Variants in CMPK2 observed in about 807,000 individuals in gnomAD.
CMPK2 encodes UMP-CMP kinase 2, mitochondrial.
A neutral mutation model predicts 33.4 loss-of-function variants in CMPK2; 32 were observed. The observed-to-expected ratio is 0.96, with a 90% CI of 0.72 to 1.29. The LOEUF is 1.29. Among genes scored for constraint, CMPK2 ranks in the 50% most tolerant of loss-of-function variants. The pLI is 0.00. For synonymous variants in CMPK2, 299 were observed against 275.3 expected, an observed-to-expected ratio of 1.09 and a Z score of -0.85; for missense variants, 672 against 616.0, an observed-to-expected ratio of 1.09 and a Z score of -0.96.
intron 1 of CMPK2, 36 bp from the exon 2 acceptor site, chr2:6,863,614 A>G: frequency 6.5e-7 from 1 of 1,532,424 alleles, no homozygotes; most frequent in African/African-American, 1.4e-5. Flanking sequence ...CAATGAAGCC[A>G]GGGGGCTTTT....
chr2:6,844,088 T>A (rs1662297068), downstream of CMPK2, among the ~76,000 whole-genome samples: 1 of 152,172 alleles, frequency 6.6e-6, no homozygotes, highest in African/African-American at 2.4e-5. Flanking sequence ...TGAGGTGGCT[T>A]CTTCTTGCTG....
chr2:6,859,435 C>A (rs2712044), intron 3 of CMPK2, among the ~76,000 whole-genome samples: 148,436 of 152,216 alleles, frequency 0.98, 72,465 homozygotes, highest in East Asian at 1. Context: ...TCACAGACCC[C>A]GAGGTTTAGA....
At chr2:6,842,349 A>G (rs1328431127) in intron 3 of CMPK2, among the ~76,000 whole-genome samples, 1 of 152,232 alleles carries the variant, frequency 6.6e-6, no homozygotes, top group African/African-American at 2.4e-5. Flanking sequence ...TCTGTTAGCC[A>G]GAGACTTCCT....
chr2:6,851,296 A>T, intron 4 of CMPK2, 154 bp downstream of exon 4: 2 of 1,470,904 alleles, frequency 1.4e-6, no homozygotes, highest in Non-Finnish European at 1.8e-6. Context: ...TGACAAGCCC[A>T]TTGGAAGGGG....
chr2:6,840,793 A>G, intron 3 of CMPK2: 1 of 650,040 alleles, frequency 1.5e-6, no homozygotes, highest in East Asian at 2.7e-5. Flanking sequence ...AATTCCTGCT[A>G]GAACTGGGCC....
upstream of CMPK2, chr2:6,866,522 C>T (rs536471108): frequency 1.0e-6 from 1 of 977,370 alleles, no homozygotes; most frequent in African/African-American, 1.7e-5. Flanking sequence ...TCGAAATCGC[C>T]TTTCTTCCAC....
downstream of CMPK2, among the ~76,000 whole-genome samples, chr2:6,844,411 A>G (rs1662306579): frequency 6.6e-6 from 1 of 152,180 alleles, no homozygotes; most frequent in African/African-American, 2.4e-5. Flanking sequence ...ATCAGGAGAT[A>G]GGGAGATATG....
In CMPK2 at chr2:6,851,219, C is replaced by G; in HGVS notation, c.1226+231G>C. 3 of 1,332,414 alleles carry G rather than the reference C, an allele frequency of 2.3e-6. No homozygotes were observed. The South Asian group carries it at 4.6e-5, about 20-fold the overall frequency. The allele number at this position is 1,332,414 out of a possible 1,614,324, so 82.5% of individuals were successfully genotyped here. On this transcript the variant is annotated intron_variant, in intron 4 of 4. Coordinates refer to ENST00000256722, the MANE Select transcript of CMPK2 (RefSeq NM_207315.4). ...CAGCTGCTCCTAGCACAGCCAGGAT[C>G]AGTGGCAGGGTCTGATCCCTAGTCC...
intron 3 of CMPK2, among the ~76,000 whole-genome samples, chr2:6,854,921 G>A (rs1345027527): frequency 6.6e-6 from 1 of 151,892 alleles, no homozygotes; most frequent in African/African-American, 2.4e-5. Context: ...TGCACACAGT[G>A]GCCAGTGCTG....
downstream of CMPK2, among the ~76,000 whole-genome samples, chr2:6,845,477 C>A (rs368658908): frequency 1.4e-3 from 212 of 152,176 alleles, no homozygotes; most frequent in African/African-American, 5.0e-3. Flanking sequence ...TTCCTTCTCT[C>A]CTCTGGGTCC....
In CMPK2 at chr2:6,849,293, G is replaced by A; in HGVS notation, c.*557C>T. ...GTGTTCCTTACCCAAAAATGGCTCT[G>A]CAGGAGTGTCCTTGGGCAGCCAGGA... On this transcript the variant is annotated 3_prime_UTR_variant, in exon 5 of 5. Coordinates refer to ENST00000256722, the MANE Select transcript of CMPK2 (RefSeq NM_207315.4). 1 of 985,534 alleles carries A rather than the reference G, an allele frequency of 1.0e-6. No homozygotes were observed. The highest frequency in any genetic ancestry group is 1.2e-6 in the Non-Finnish European group (1 of 830,034). 61.0% of individuals were successfully genotyped at this position (985,534 alleles called of 1,614,324 possible).
Position 6,851,587 on chromosome 2 carries a change from T to C in CMPK2, c.1089A>G (p.Pro363=). The change falls in exon 4 of 5, where the codon CCA becomes CCG. Residue 363 remains proline (P), a synonymous_variant. Transcript: ENST00000256722. ...PPAHHPVYQW[P]EDLLKPDLIL... ...TAAGGTCAGGTTTGAGCAGGTCCTC[T>C]GGCCACTGGTACACAGGGTGATGGG... The C allele has an allele frequency of 6.2e-7, 1 of 1,614,212 alleles. No individual in the cohort carries two copies. Among genetic ancestry groups the C allele is most frequent in the Non-Finnish European group, 8.5e-7 (1 of 1,180,036 alleles).
At chr2:6,847,401 T>C (rs905653922), downstream of CMPK2, among the ~76,000 whole-genome samples, 2 of 152,208 alleles carry the variant, frequency 1.3e-5, no homozygotes, top group African/African-American at 4.8e-5. Flanking sequence ...GGTGTTTTTA[T>C]GCCAGGACTT....
intron 3 of CMPK2, among the ~76,000 whole-genome samples, chr2:6,856,538 CT>C (rs1258472844): frequency 6.6e-6 from 1 of 152,128 alleles, no homozygotes; most frequent in Non-Finnish European, 1.5e-5. Flanking sequence ...CTATGCCATA[CT>C]TAAATGCAAT....
In CMPK2 at chr2:6,865,236, T is replaced by G; in HGVS notation, c.461A>C (p.Gln154Pro). Reference protein sequence around the residue: ...QALLELLGACQEAPRPHLGEF... With the variant: ...QALLELLGACPEAPRPHLGEF... ...GCCCAAGTGCGGGCGTGGTGCCTCC[T>G]GACAGGCGCCCAGCAGCTCGAGCAG... is the stretch of plus-strand genomic sequence containing the variant. Residue 154 changes from glutamine (Q) to proline (P), a missense_variant, in exon 1 of 5, where the codon CAG becomes CCG. By Grantham distance (76) the Gln-to-Pro change is moderately conservative. Coordinates refer to ENST00000256722, the MANE Select transcript of CMPK2 (RefSeq NM_207315.4). The G allele has an allele frequency of 1.3e-6, 2 of 1,537,000 alleles. No individual in the cohort carries two copies. Among genetic ancestry groups the G allele is most frequent in the Non-Finnish European group, 1.7e-6 (2 of 1,148,160 alleles).
At position 6,862,642 on chromosome 2, in the gene CMPK2, T is replaced by G. The variant is rs74374620; in HGVS notation, c.790+822A>C. 4.9e-3 allele frequency among the ~76,000 whole-genome samples: 741 copies of G among 152,310 alleles called. 4 individuals carry two copies. The highest frequency in any genetic ancestry group is 7.8e-3 in the Non-Finnish European group (530 of 68,024). On this transcript the variant is annotated intron_variant, in intron 2 of 4. Coordinates refer to ENST00000256722, the MANE Select transcript of CMPK2 (RefSeq NM_207315.4). Reference sequence around the variant, plus strand: ...GGGTCCTGGACACGGCCAGTACATTTGAGTGATGACAGCTGGTCTCCCTGA... The same window carrying G: ...GGGTCCTGGACACGGCCAGTACATTGGAGTGATGACAGCTGGTCTCCCTGA...
At chr2:6,850,757 T>C (rs1226382505) in intron 4 of CMPK2, 3 of 985,190 alleles carry the variant, frequency 3.0e-6, no homozygotes, top group Non-Finnish European at 3.6e-6. Flanking sequence ...TACTATGTTA[T>C]GATAACAGGG....
At chr2:6,858,243 T>C (rs963312486) in intron 3 of CMPK2, among the ~76,000 whole-genome samples, 1 of 152,098 alleles carries the variant, frequency 6.6e-6, no homozygotes, top group Non-Finnish European at 1.5e-5. Flanking sequence ...CTCTGACTAA[T>C]GGTGCTTTCT....
chr2:6,854,746 T>TG (rs1662634153), intron 3 of CMPK2, among the ~76,000 whole-genome samples: 1 of 152,210 alleles, frequency 6.6e-6, no homozygotes, highest in South Asian at 2.1e-4. Context: ...GCTCATATAA[T>TG]AATGCTTTAT....
Sources: allele counts gnomAD v4.1 joint callset (sites outside exome capture counted in the v4.1 genomes callset), GRCh38; gene constraint gnomAD v4.1.1; transcripts MANE v1.5; gene names NCBI Gene and HGNC (gene_info 2026-07-23, HGNC 2026-07-21).